SLCO2A1: variants seen among roughly 807,000 people sequenced by gnomAD.
SLCO2A1 encodes the protein solute carrier organic anion transporter family member 2A1.
Under a neutral mutation model 71.7 loss-of-function variants are expected in SLCO2A1, and 60 were observed. The observed-to-expected ratio is 0.84, with a 90% CI of 0.68 to 1.04. The LOEUF is 1.04. Ranked by LOEUF, SLCO2A1 falls within the 50% of genes least tolerant of loss-of-function variation. SLCO2A1 has a pLI of 0.00. For synonymous variants in SLCO2A1, 308 were observed against 326.7 expected (o/e 0.94, Z 0.62); for missense variants, 745 against 813.4 (o/e 0.92, Z 1.02).
At chr3:134,016,781 C>T (rs1182031211) in intron 1 of SLCO2A1, among the ~76,000 whole-genome samples, 2 of 152,160 alleles carry the variant, frequency 1.3e-5, no homozygotes, top group African/African-American at 4.8e-5. Context: ...GGAAACAACC[C>T]AAATGTCCTT....
chr3:133,967,964 A>G (rs1576439035), intron 3 of SLCO2A1, among the ~76,000 whole-genome samples: 1 of 57,800 alleles, frequency 1.7e-5, no homozygotes, highest in Admixed American at 2.3e-4. Context: ...CCCGACATGG[A>G]CCCCTCCTCA....
intron 11 of SLCO2A1, among the ~76,000 whole-genome samples, chr3:133,940,040 T>G (rs2108037616): frequency 6.7e-6 from 1 of 148,552 alleles, no homozygotes; most frequent in East Asian, 2.0e-4. Context: ...CAGTCTTGGC[T>G]CACTGCAACC....
chr3:134,007,219 T>C (rs1444941653), intron 1 of SLCO2A1, among the ~76,000 whole-genome samples: 1 of 152,264 alleles, frequency 6.6e-6, no homozygotes, highest in Non-Finnish European at 1.5e-5. Flanking sequence ...TGGATATTCA[T>C]CTTTCATCAG....
At chr3:133,943,714 G>A (rs2108039556) in intron 10 of SLCO2A1, among the ~76,000 whole-genome samples, 1 of 152,314 alleles carries the variant, frequency 6.6e-6, no homozygotes, top group East Asian at 1.9e-4. Flanking sequence ...TCAGAGGTAA[G>A]TTAACAAAGA....
chr3:133,993,705 G>A (rs1001972777), intron 1 of SLCO2A1, among the ~76,000 whole-genome samples: 8 of 152,080 alleles, frequency 5.3e-5, no homozygotes, highest in Admixed American at 5.2e-4. Flanking sequence ...CTGGGAACTT[G>A]GCAGTAATTT....
intron 1 of SLCO2A1, among the ~76,000 whole-genome samples, chr3:134,023,141 C>T (rs1935624558): frequency 1.3e-5 from 2 of 151,870 alleles, no homozygotes; most frequent in African/African-American, 4.8e-5. Context: ...AACAAACAAA[C>T]AAACAAACAA....
At chr3:134,022,255 T>C (rs952127232) in intron 1 of SLCO2A1, among the ~76,000 whole-genome samples, 4 of 152,070 alleles carry the variant, frequency 2.6e-5, no homozygotes, top group Middle Eastern at 3.2e-3. Flanking sequence ...AAAAAAGAAT[T>C]TATGCAAAAA....
rs139045442 is a variant in SLCO2A1 at position 134,020,425 on chromosome 3, C to T, written c.96+9282G>A. On this transcript the variant is annotated intron_variant, in intron 1 of 13. Transcript: ENST00000310926. ...CTTAAGCCTGCCCTGTGCAACATCTCGGCGGGGGACTCCAACTAGCCCAAG... is the reference window on the plus strand; with the variant it reads ...CTTAAGCCTGCCCTGTGCAACATCTTGGCGGGGGACTCCAACTAGCCCAAG... 2.9e-3 allele frequency among the ~76,000 whole-genome samples: 446 copies of T among 152,312 alleles called. 2 individuals are homozygous for T. Among genetic ancestry groups the T allele is most frequent in the African/African-American group, 0.01 (416 of 41,576 alleles).
chr3:133,956,009 G>C (rs937954563), intron 3 of SLCO2A1, among the ~76,000 whole-genome samples: 1 of 152,120 alleles, frequency 6.6e-6, no homozygotes, highest in East Asian at 1.9e-4. Context: ...CCGCTTCCAT[G>C]CCTCTGTTTT....
At chr3:133,935,541 G>A (rs935732794) in intron 13 of SLCO2A1, among the ~76,000 whole-genome samples, 3 of 152,164 alleles carry the variant, frequency 2.0e-5, no homozygotes, top group African/African-American at 7.2e-5. Context: ...TGGGTCTGCT[G>A]CCCCTTCCAA....
intron 1 of SLCO2A1, among the ~76,000 whole-genome samples, chr3:134,000,451 G>T (rs1389467434): frequency 6.6e-6 from 1 of 152,126 alleles, no homozygotes; most frequent in African/African-American, 2.4e-5. Flanking sequence ...ACCACCTAGG[G>T]CAATAAGACC....
intron 1 of SLCO2A1, among the ~76,000 whole-genome samples, chr3:134,017,329 T>A (rs991608948): frequency 1.3e-5 from 2 of 152,260 alleles, no homozygotes; most frequent in African/African-American, 4.8e-5. Context: ...TAAAAAGTTT[T>A]TTTTCAATTC....
In SLCO2A1 at chr3:133,955,623, A is replaced by T. The variant is rs115388148; in HGVS notation, c.398-430T>A. Among the ~76,000 whole-genome samples, 1,233 of 152,250 alleles carry T rather than the reference A, an allele frequency of 8.1e-3. 13 individuals carry two copies. Among genetic ancestry groups the T allele is most frequent in the Non-Finnish European group, 0.014 (975 of 67,998 alleles). ...CGTCGGCCTCCAGCACCCTGTGCTC[A>T]GCCCTGGGGCTCTGGGCCCCCAGGG... On this transcript the variant is annotated intron_variant, in intron 3 of 13. Transcript: ENST00000310926.
chr3:133,999,065 C>T (rs1935043836), intron 1 of SLCO2A1, among the ~76,000 whole-genome samples: 1 of 152,226 alleles, frequency 6.6e-6, no homozygotes, highest in Non-Finnish European at 1.5e-5. Context: ...CACCGCCTCG[C>T]CAGGATGCCT....
chr3:134,028,285 T>C (rs1935738422), intron 1 of SLCO2A1, among the ~76,000 whole-genome samples: 1 of 152,162 alleles, frequency 6.6e-6, no homozygotes, highest in African/African-American at 2.4e-5. Context: ...TCCTAGTCCC[T>C]ACCCTTTCAT....
Position 133,951,239 on chromosome 3 carries a change from A to G in SLCO2A1, c.830T>C (p.Phe277Ser), listed in dbSNP as rs750925098. ...TCCTATGGGCATTGCTCGAGGGAAG[A>G]AAAAAAAGGGGAAAGAGGTGAGAAC... ...LLVLTSFPFFFFPRAMPIGAK... is the reference protein window; with the variant it reads ...LLVLTSFPFFSFPRAMPIGAK... The change falls in exon 6 of 14, where the codon TTC becomes TCC. Residue 277 changes from phenylalanine (F) to serine (S), a missense_variant. Phe to Ser is a radical substitution (Grantham distance 155). Coordinates refer to ENST00000310926, the MANE Select transcript of SLCO2A1 (RefSeq NM_005630.3). The G allele has an allele frequency of 3.1e-6, 5 of 1,607,780 alleles. No homozygotes were observed. In the African/African-American group the frequency reaches 4.0e-5, roughly 13 times the overall value.
intron 2 of SLCO2A1, among the ~76,000 whole-genome samples, chr3:133,974,554 C>G (rs1165854263): frequency 1.3e-5 from 2 of 152,172 alleles, no homozygotes; most frequent in Non-Finnish European, 2.9e-5. Context: ...GTTTTCAATT[C>G]TGTGAAATGA....
chr3:133,963,560 C>A (rs1934094418), intron 3 of SLCO2A1, among the ~76,000 whole-genome samples: 1 of 152,226 alleles, frequency 6.6e-6, no homozygotes, highest in Non-Finnish European at 1.5e-5. Context: ...AGGGCTCCTT[C>A]AAGTCATGGC....
intron 1 of SLCO2A1, among the ~76,000 whole-genome samples, chr3:133,981,263 G>A: frequency 6.6e-6 from 1 of 152,126 alleles, no homozygotes; most frequent in East Asian, 1.9e-4. Flanking sequence ...AGAGTTTAGG[G>A]GGCATTAGTC....
Sources: allele counts gnomAD v4.1 joint callset (sites outside exome capture counted in the v4.1 genomes callset), GRCh38; gene constraint gnomAD v4.1.1; transcripts MANE v1.5; gene names NCBI Gene and HGNC (gene_info 2026-07-23, HGNC 2026-07-21).